CPS1: variants seen among roughly 807,000 people sequenced by gnomAD.
CPS1 encodes carbamoyl-phosphate synthase [ammonia], mitochondrial.
CPS1 carries 109 observed loss-of-function variants against 174.6 expected under a neutral mutation model. That is an observed-to-expected ratio of 0.62 (90% CI 0.53 to 0.73). CPS1 has a LOEUF of 0.73. Among genes scored for constraint, CPS1 ranks in the 30% least tolerant of loss-of-function variants. CPS1 has a pLI of 0.00. For missense variants in CPS1, 1,689 were observed against 1,821.9 expected (o/e 0.93, Z 1.33); for synonymous variants, 637 against 632.0 (o/e 1.01, Z -0.12).
intron 1 of CPS1, among the ~76,000 whole-genome samples, chr2:210,501,236 G>C (rs1046094800): frequency 6.6e-6 from 1 of 152,076 alleles, no homozygotes; most frequent in African/African-American, 2.4e-5. Flanking sequence ...CTGCCATGAA[G>C]GTCACTGACA....
intron 21 of CPS1, among the ~76,000 whole-genome samples, chr2:210,621,803 C>T (rs1699538908): frequency 1.3e-5 from 2 of 152,066 alleles, no homozygotes; most frequent in South Asian, 4.1e-4. Flanking sequence ...AATACTGAAA[C>T]TTGAATTTTG....
chr2:210,525,551 A>C (rs1041677397), intron 1 of CPS1, among the ~76,000 whole-genome samples: 2 of 151,700 alleles, frequency 1.3e-5, no homozygotes, highest in Non-Finnish European at 1.5e-5. Flanking sequence ...ATGACTCAAC[A>C]GTTAGAGTGG....
intron 33 of CPS1, among the ~76,000 whole-genome samples, chr2:210,664,344 T>TG (rs1701021100): frequency 6.6e-6 from 1 of 150,456 alleles, no homozygotes; most frequent in Non-Finnish European, 1.5e-5. Flanking sequence ...CTTTCTTCCT[T>TG]TTTTTTTTGA....
At chr2:210,518,540 A>T (rs34545810) in intron 1 of CPS1, among the ~76,000 whole-genome samples, 2 of 152,096 alleles carry the variant, frequency 1.3e-5, no homozygotes, top group East Asian at 1.9e-4. Context: ...TCTTTTTTCT[A>T]TATGACTGGA....
At chr2:210,487,896 A>G (rs1694770619) in intron 1 of CPS1, among the ~76,000 whole-genome samples, 1 of 152,172 alleles carries the variant, frequency 6.6e-6, no homozygotes, top group Admixed American at 6.5e-5. Flanking sequence ...CACCAACACA[A>G]TACTAGAGTT....
At chr2:210,622,065 A>T (rs1216374712) in intron 21 of CPS1, among the ~76,000 whole-genome samples, 3 of 151,748 alleles carry the variant, frequency 2.0e-5, no homozygotes, top group African/African-American at 2.4e-5. Flanking sequence ...AGAACCCAGG[A>T]TACTTGCTAT....
At chr2:210,498,179 A>AT (rs1288372337) in intron 1 of CPS1, among the ~76,000 whole-genome samples, 4 of 151,606 alleles carry the variant, frequency 2.6e-5, no homozygotes, top group Admixed American at 2.0e-4. Flanking sequence ...TATGTGGAGC[A>AT]TTTTTTCATG....
At chr2:210,561,371 C>G (rs187116707) in intron 1 of CPS1, among the ~76,000 whole-genome samples, 2 of 152,278 alleles carry the variant, frequency 1.3e-5, no homozygotes, top group African/African-American at 2.4e-5. Flanking sequence ...GGGACTAGTA[C>G]TAATCTTGAC....
At chr2:210,540,944 T>A (rs1401336031) in intron 1 of CPS1, among the ~76,000 whole-genome samples, 1 of 152,182 alleles carries the variant, frequency 6.6e-6, no homozygotes, top group African/African-American at 2.4e-5. Context: ...GTTAGCTTAG[T>A]TTAAACACCT....
chr2:210,552,288 GT>G (rs577722188), upstream of CPS1, among the ~76,000 whole-genome samples: 33 of 147,484 alleles, frequency 2.2e-4, no homozygotes, highest in South Asian at 3.7e-3. Flanking sequence ...TGATTGCCAG[GT>G]TTTTTTTTTC....
chr2:210,563,964 G>C (rs945684859), intron 1 of CPS1, among the ~76,000 whole-genome samples: 2 of 152,122 alleles, frequency 1.3e-5, no homozygotes, highest in Non-Finnish European at 2.9e-5. Context: ...CTGAATCTCA[G>C]ACTGAGTATT....
chr2:210,627,792 G>A lies in CPS1; in HGVS notation c.2688-9910G>A, dbSNP rs527627841. On this transcript the variant is annotated intron_variant, in intron 21 of 37. Coordinates refer to ENST00000233072, the MANE Select transcript of CPS1 (RefSeq NM_001875.5). ...AGGGAGCTGAGGTGCTGGGCCAAAT[G>A]TAGGTGACTTGCTAGTTTTGCTCTT... Among the ~76,000 whole-genome samples, 33 of 152,288 alleles carry A rather than the reference G, an allele frequency of 2.2e-4. No homozygotes were observed. The East Asian group carries it at 6.2e-3, about 29-fold the overall frequency.
intron 1 of CPS1, among the ~76,000 whole-genome samples, chr2:210,518,552 T>C (rs1296530541): frequency 6.6e-6 from 1 of 151,948 alleles, no homozygotes; most frequent in East Asian, 1.9e-4. Context: ...ATGACTGGAA[T>C]ACAGATATGA....
chr2:210,662,615 T>C (rs904333317), intron 32 of CPS1, among the ~76,000 whole-genome samples: 2 of 152,228 alleles, frequency 1.3e-5, no homozygotes, highest in African/African-American at 4.8e-5. Flanking sequence ...AAGCAGAATG[T>C]TTTTCAAAGC....
intron 1 of CPS1, among the ~76,000 whole-genome samples, chr2:210,536,077 A>C (rs1262066040): frequency 6.6e-6 from 1 of 152,136 alleles, no homozygotes; most frequent in Non-Finnish European, 1.5e-5. Flanking sequence ...TGTTGACATT[A>C]TCCTGCCATT....
chr2:210,604,069 C>T (rs987864268), intron 16 of CPS1, among the ~76,000 whole-genome samples: 10 of 151,700 alleles, frequency 6.6e-5, no homozygotes, highest in African/African-American at 9.7e-5. Flanking sequence ...AGCAGGCAAC[C>T]GGAATGATGA....
At chr2:210,549,040 C>T (rs1439204303) in intron 1 of CPS1, among the ~76,000 whole-genome samples, 1 of 151,978 alleles carries the variant, frequency 6.6e-6, no homozygotes, top group African/African-American at 2.4e-5. Flanking sequence ...CTACGTCATT[C>T]CAGTGTAAAC....
intron 36 of CPS1, among the ~76,000 whole-genome samples, chr2:210,676,071 CT>C (rs1397670666): frequency 6.6e-6 from 1 of 152,210 alleles, no homozygotes; most frequent in African/African-American, 2.4e-5. Flanking sequence ...GGATACTTTC[CT>C]TGACGGAAAC....
intron 1 of CPS1, among the ~76,000 whole-genome samples, chr2:210,528,681 T>C (rs1326315799): frequency 1.3e-5 from 2 of 151,860 alleles, no homozygotes; most frequent in Non-Finnish European, 2.9e-5. Flanking sequence ...TCTACTACGT[T>C]GTTATTCATT....
Sources: allele counts gnomAD v4.1 joint callset (sites outside exome capture counted in the v4.1 genomes callset), GRCh38; gene constraint gnomAD v4.1.1; transcripts MANE v1.5; gene names NCBI Gene and HGNC (gene_info 2026-07-23, HGNC 2026-07-21).